The following CDK6 variants were observed in gnomAD, a reference collection of about 807,000 sequenced individuals.
The protein encoded by CDK6 is cyclin dependent kinase 6.
CDK6 carries 6 observed loss-of-function variants against 37.1 expected under a neutral mutation model. The observed-to-expected ratio is 0.16, with a 90% CI of 0.09 to 0.32. The LOEUF (loss-of-function observed/expected upper bound fraction) is 0.32. CDK6 is among the 10% of genes least tolerant of loss of function. The pLI, the probability that CDK6 is intolerant of heterozygous loss-of-function variation, is 1.00. For synonymous variants in CDK6, 160 were observed against 161.3 expected (o/e 0.99, Z 0.06); for missense variants, 224 against 418.9 (o/e 0.53, Z 4.06).
Position 92,744,815 on chromosome 7 carries a change from C to T in CDK6, c.370-19022G>A, listed in dbSNP as rs117273425. ...GGACAGTTCTCAATTTCTTGAAACACGAAGAGTGGAAAGTTTGTAAGTAAG... is the reference window on the plus strand; with the variant it reads ...GGACAGTTCTCAATTTCTTGAAACATGAAGAGTGGAAAGTTTGTAAGTAAG... On this transcript the variant is annotated intron_variant, in intron 3 of 7. Coordinates refer to ENST00000424848, the MANE Select transcript of CDK6 (RefSeq NM_001145306.2). Among the ~76,000 whole-genome samples, 73 of 152,120 alleles carry T rather than the reference C, an allele frequency of 4.8e-4. 2 individuals are homozygous for T. In the East Asian group the frequency reaches 0.014, roughly 28 times the overall value.
intron 5 of CDK6, among the ~76,000 whole-genome samples, chr7:92,626,549 T>C (rs1242579888): frequency 6.6e-6 from 1 of 152,012 alleles, no homozygotes; most frequent in African/African-American, 2.4e-5. Context: ...TGAACAGCAA[T>C]ATAGAAAAAG....
At chr7:92,800,696 T>C (rs1800548870) in intron 2 of CDK6, among the ~76,000 whole-genome samples, 1 of 152,238 alleles carries the variant, frequency 6.6e-6, no homozygotes, top group South Asian at 2.1e-4. Context: ...GCACTATTTA[T>C]GAACATGTTC....
chr7:92,655,722 C>T (rs548064788), intron 5 of CDK6, among the ~76,000 whole-genome samples: 1 of 152,222 alleles, frequency 6.6e-6, no homozygotes, highest in South Asian at 2.1e-4. Context: ...CTGGTAGTAT[C>T]CAGTTCAGTT....
intron 4 of CDK6, among the ~76,000 whole-genome samples, chr7:92,720,815 T>C (rs1798348224): frequency 6.6e-6 from 1 of 152,204 alleles, no homozygotes; most frequent in South Asian, 2.1e-4. Context: ...TTAGAAATGT[T>C]GACTTCAGAG....
intron 4 of CDK6, among the ~76,000 whole-genome samples, chr7:92,672,180 C>T (rs1486923378): frequency 2.7e-4 from 27 of 98,972 alleles, no homozygotes; most frequent in African/African-American, 4.8e-4. Flanking sequence ...CACACACACA[C>T]ACAGACACAT....
chr7:92,828,859 T>A (rs1801402323), intron 2 of CDK6, among the ~76,000 whole-genome samples: 1 of 152,194 alleles, frequency 6.6e-6, no homozygotes, highest in Non-Finnish European at 1.5e-5. Context: ...TGTGAAAATG[T>A]TTATTTACTA....
intron 3 of CDK6, among the ~76,000 whole-genome samples, chr7:92,768,307 TGAG>T (rs2115755064): frequency 6.6e-6 from 1 of 152,264 alleles, no homozygotes; most frequent in African/African-American, 2.4e-5. Flanking sequence ...TACTATACTG[TGAG>T]GAGTGAACTA....
intron 5 of CDK6, among the ~76,000 whole-genome samples, chr7:92,656,749 T>A (rs939410533): frequency 6.6e-6 from 1 of 152,174 alleles, no homozygotes; most frequent in East Asian, 1.9e-4. Flanking sequence ...AAAAATGAGA[T>A]GGTAAGTTTG....
At chr7:92,756,077 G>A (rs892042210) in intron 3 of CDK6, among the ~76,000 whole-genome samples, 2 of 151,798 alleles carry the variant, frequency 1.3e-5, no homozygotes, top group Non-Finnish European at 2.9e-5. Context: ...CTCAGCTGGC[G>A]GTCACTTAAA....
In CDK6 at chr7:92,618,123, T is replaced by C. The variant is rs943751285; in HGVS notation, c.783A>G (p.Pro261=). 20 of 1,614,014 alleles carry C rather than the reference T, an allele frequency of 1.2e-5. No individual in the cohort carries two copies. Among genetic ancestry groups the C allele is most frequent in the Non-Finnish European group, 1.7e-5 (20 of 1,179,998 alleles). The change falls in exon 7 of 8, where the codon CCA becomes CCG. Residue 261 remains proline (P), a synonymous_variant. Transcript: ENST00000424848. ...RQAFHSKSAQ[P]IEKFVTDIDE... ...CGATATCTGTTACAAACTTCTCAAT[T>C]GGTTGGGCAGATTTTGAATGAAAAG...
chr7:92,690,843 A>T (rs1585402535), intron 4 of CDK6, among the ~76,000 whole-genome samples: 1 of 152,208 alleles, frequency 6.6e-6, no homozygotes, highest in South Asian at 2.1e-4. Flanking sequence ...AAATGAAAGT[A>T]AAAGTTAAGA....
intron 2 of CDK6, among the ~76,000 whole-genome samples, chr7:92,798,655 A>T (rs1050136143): frequency 4.6e-5 from 7 of 152,158 alleles, no homozygotes; most frequent in African/African-American, 1.7e-4. Flanking sequence ...TTGCTAAGGG[A>T]ACCCAAGTGT....
intron 3 of CDK6, among the ~76,000 whole-genome samples, chr7:92,747,256 T>C (rs1049006157): frequency 6.6e-6 from 1 of 152,214 alleles, no homozygotes; most frequent in Non-Finnish European, 1.5e-5. Flanking sequence ...TTAATCATCA[T>C]TGCCCCACTC....
intron 4 of CDK6, among the ~76,000 whole-genome samples, chr7:92,718,707 C>T (rs142023893): frequency 7.9e-5 from 12 of 152,168 alleles, no homozygotes; most frequent in East Asian, 3.8e-4. Flanking sequence ...ACATTTTGAC[C>T]TGGGTAAGGA....
intron 3 of CDK6, among the ~76,000 whole-genome samples, chr7:92,737,693 A>G (rs927957128): frequency 3.9e-5 from 6 of 152,236 alleles, no homozygotes; most frequent in African/African-American, 1.4e-4. Flanking sequence ...AACTTAACAA[A>G]TAAGAACTAG....
intron 2 of CDK6, among the ~76,000 whole-genome samples, chr7:92,806,436 T>C (rs1374402001): frequency 3.9e-5 from 6 of 152,206 alleles, no homozygotes; most frequent in African/African-American, 1.4e-4. Context: ...CTTATCACTT[T>C]ATTAGCATCT....
At chr7:92,622,943 A>G (rs1406172303) in intron 6 of CDK6, 93 bp downstream of exon 6, 1 of 767,548 alleles carries the variant, frequency 1.3e-6, no homozygotes, top group African/African-American at 1.8e-5. Flanking sequence ...TAAGAAAGAC[A>G]AGAGATAAAC....
In CDK6 at chr7:92,821,745, G is replaced by A. The variant is rs549359687; in HGVS notation, c.233+11346C>T. ...ATGTTATATATATAATTAGTTTATT[G>A]CTATGTAATAATATATTAGTATTAT... is the stretch of plus-strand genomic sequence containing the variant. On this transcript the variant is annotated intron_variant, in intron 2 of 7. Coordinates refer to ENST00000424848, the MANE Select transcript of CDK6 (RefSeq NM_001145306.2). 2.5e-4 allele frequency among the ~76,000 whole-genome samples: 38 copies of A among 150,112 alleles called. No individual in the cohort carries two copies. The Middle Eastern group carries it at 0.014, about 55-fold the overall frequency.
At chr7:92,827,149 A>G (rs1801345259) in intron 2 of CDK6, among the ~76,000 whole-genome samples, 1 of 152,202 alleles carries the variant, frequency 6.6e-6, no homozygotes, top group South Asian at 2.1e-4. Flanking sequence ...TTGCATTCAT[A>G]AAACAACTCA....
Sources: allele counts gnomAD v4.1 joint callset (sites outside exome capture counted in the v4.1 genomes callset), GRCh38; gene constraint gnomAD v4.1.1; transcripts MANE v1.5; gene names NCBI Gene and HGNC (gene_info 2026-07-23, HGNC 2026-07-21).